The following CSMD1 variants were observed in gnomAD, a reference collection of about 807,000 sequenced individuals.
CSMD1 encodes the protein CUB and sushi domain-containing protein 1.
CSMD1 carries 213 observed loss-of-function variants against 417.5 expected under a neutral mutation model. That is an observed-to-expected ratio of 0.51 (90% confidence interval 0.46 to 0.57). The LOEUF (loss-of-function observed/expected upper bound fraction) is 0.57, where lower values mean the gene tolerates loss of function less well. Ranked by LOEUF, CSMD1 falls within the 20% of genes least tolerant of loss-of-function variation. The probability of loss-of-function intolerance (pLI) is 0.00; values close to 1 mark genes in which losing one functional copy is unlikely to be tolerated. For missense variants in CSMD1, 6,923 were observed against 4,529.7 expected (o/e 1.53, Z -15.17); for synonymous variants, 2,862 against 1,736.8 (o/e 1.65, Z -16.11).
intron 6 of CSMD1, among the ~76,000 whole-genome samples, chr8:3,741,873 G>C (rs77721503): frequency 6.6e-6 from 1 of 152,052 alleles, no homozygotes; most frequent in African/African-American, 2.4e-5. Flanking sequence ...CAAAGGTAAA[G>C]GTTCCAATTC....
chr8:3,041,882 T>A (rs1322424646), intron 50 of CSMD1, among the ~76,000 whole-genome samples: 1 of 152,202 alleles, frequency 6.6e-6, no homozygotes, highest in Non-Finnish European at 1.5e-5. Flanking sequence ...TACAGTACAA[T>A]CACGCAAACG....
chr8:4,549,896 CAAAAAAAAAAAA>C (rs777040766), intron 2 of CSMD1, among the ~76,000 whole-genome samples: 2 of 88,654 alleles, frequency 2.3e-5, no homozygotes, highest in Non-Finnish European at 4.1e-5. Context: ...GACTTTGTCT[CAAAAAAAAAAAA>C]AAAAAAAAAA....
intron 23 of CSMD1, among the ~76,000 whole-genome samples, chr8:3,311,979 A>G (rs1805386069): frequency 6.6e-6 from 1 of 152,182 alleles, no homozygotes; most frequent in Admixed American, 6.5e-5. Flanking sequence ...AAAAAAGGTT[A>G]ACAAAGTTCT....
At chr8:3,740,685 G>C (rs931255678) in intron 6 of CSMD1, among the ~76,000 whole-genome samples, 3 of 152,150 alleles carry the variant, frequency 2.0e-5, no homozygotes, top group Admixed American at 2.0e-4. Flanking sequence ...TGGGGAAGAG[G>C]AGTCGAAGCA....
chr8:3,920,993 T>A (rs971040248), intron 5 of CSMD1, among the ~76,000 whole-genome samples: 5 of 152,288 alleles, frequency 3.3e-5, no homozygotes, highest in Admixed American at 1.3e-4. Context: ...TAAAATAAGT[T>A]TGAAAATGTT....
intron 40 of CSMD1, among the ~76,000 whole-genome samples, chr8:3,145,941 G>A (rs1032465333): frequency 7.2e-5 from 11 of 152,196 alleles, no homozygotes; most frequent in African/African-American, 2.7e-4. Flanking sequence ...ACAAAACTTT[G>A]AATAGTAATG....
chr8:4,352,141 C>A (rs766608899), intron 3 of CSMD1, among the ~76,000 whole-genome samples: 4 of 152,068 alleles, frequency 2.6e-5, no homozygotes, highest in Non-Finnish European at 5.9e-5. Context: ...GTGGCCCCAA[C>A]TCAGAATATC....
intron 5 of CSMD1, among the ~76,000 whole-genome samples, chr8:3,770,077 C>G (rs1798488302): frequency 6.6e-6 from 1 of 152,208 alleles, no homozygotes; most frequent in Non-Finnish European, 1.5e-5. Flanking sequence ...GTCTCTATTT[C>G]CAGATTACTC....
intron 1 of CSMD1, among the ~76,000 whole-genome samples, chr8:4,842,437 G>A (rs1056432033): frequency 2.0e-5 from 3 of 152,152 alleles, no homozygotes; most frequent in Non-Finnish European, 4.4e-5. Flanking sequence ...TAGTTATTAT[G>A]CTCTAAACTG....
At chr8:4,396,128 G>T (rs1400983240) in intron 3 of CSMD1, among the ~76,000 whole-genome samples, 1 of 152,000 alleles carries the variant, frequency 6.6e-6, no homozygotes, top group Non-Finnish European at 1.5e-5. Flanking sequence ...CTACTGTAAT[G>T]GGAATGTATG....
intron 8 of CSMD1, among the ~76,000 whole-genome samples, chr8:3,588,606 T>A (rs1338597431): frequency 4.6e-5 from 7 of 152,144 alleles, no homozygotes; most frequent in Admixed American, 4.6e-4. Flanking sequence ...TTCATGCATT[T>A]TTTTCCTACA....
intron 32 of CSMD1, 126 bp from the exon 33 acceptor site, chr8:3,199,935 T>G (rs1796905036): frequency 6.6e-6 from 4 of 604,580 alleles, no homozygotes; most frequent in Middle Eastern, 2.6e-4. Flanking sequence ...CATTTTCACT[T>G]TATGGTTTAA....
chr8:4,287,014 T>G (rs548856003), intron 3 of CSMD1, among the ~76,000 whole-genome samples: 2 of 152,272 alleles, frequency 1.3e-5, no homozygotes, highest in South Asian at 2.1e-4. Flanking sequence ...AAGTTTCACT[T>G]GAAAAATAAG....
intron 1 of CSMD1, among the ~76,000 whole-genome samples, chr8:4,917,394 G>A (rs1276060408): frequency 6.6e-6 from 1 of 152,186 alleles, no homozygotes; most frequent in African/African-American, 2.4e-5. Context: ...CAGCACTTTG[G>A]GAGGCCAAGG....
intron 18 of CSMD1, among the ~76,000 whole-genome samples, chr8:3,372,658 G>A (rs1264502170): frequency 2.0e-5 from 3 of 152,254 alleles, no homozygotes; most frequent in African/African-American, 7.2e-5. Context: ...TACAGGTGAA[G>A]GAGATCTCAG....
intron 3 of CSMD1, among the ~76,000 whole-genome samples, chr8:4,294,340 A>G (rs1368163619): frequency 3.9e-5 from 6 of 152,314 alleles, no homozygotes; most frequent in African/African-American, 1.4e-4. Flanking sequence ...TTTTCAAAAT[A>G]AACCCAAGAT....
chr8:4,266,188 T>C (rs1204022019), intron 3 of CSMD1, among the ~76,000 whole-genome samples: 1 of 104,396 alleles, frequency 9.6e-6, no homozygotes, highest in Non-Finnish European at 2.6e-5. Context: ...ATTCACCAAG[T>C]TGGAGGTTTT....
chr8:4,071,387 G>A (rs1385588125), intron 3 of CSMD1, among the ~76,000 whole-genome samples: 1 of 143,740 alleles, frequency 7.0e-6, no homozygotes, highest in Non-Finnish European at 1.5e-5. Flanking sequence ...GCCTTTCCAA[G>A]TAAACCTACT....
chr8:3,753,281 C>T (rs1199325206), intron 6 of CSMD1, among the ~76,000 whole-genome samples: 1 of 152,126 alleles, frequency 6.6e-6, no homozygotes, highest in Non-Finnish European at 1.5e-5. Context: ...GCTTAATAAA[C>T]TGAATAGTTT....
Sources: gnomAD v4.1 joint callset for allele counts (sites outside exome capture counted in the v4.1 genomes callset) on GRCh38, gnomAD v4.1.1 for gene constraint, MANE v1.5 for transcripts, NCBI Gene and HGNC (gene_info 2026-07-23, HGNC 2026-07-21) for gene names.